The following SLIT2 variants were observed in gnomAD, a reference collection of about 807,000 sequenced individuals.
SLIT2 encodes slit guidance ligand 2, also known as slit homolog 2 protein.
In SLIT2, 41 loss-of-function variants were observed where a neutral mutation model predicts 185.7. That is an observed-to-expected ratio of 0.22 (90% CI 0.17 to 0.29). SLIT2 has a LOEUF of 0.29. SLIT2 is among the 10% of genes least tolerant of loss of function. The probability of loss-of-function intolerance (pLI) is 1.00; values close to 1 mark genes in which losing one functional copy is unlikely to be tolerated. For missense variants in SLIT2, 1,571 were observed against 1,909.0 expected, an observed-to-expected ratio of 0.82 and a Z score of 3.30; for synonymous variants, 693 against 680.2, an observed-to-expected ratio of 1.02 and a Z score of -0.29.
intron 4 of SLIT2, among the ~76,000 whole-genome samples, chr4:20,369,210 G>T (rs1339353509): frequency 1.3e-5 from 2 of 152,044 alleles, no homozygotes; most frequent in East Asian, 3.9e-4. Context: ...TCTGGTTTGT[G>T]TGCTGTCTCT....
intron 9 of SLIT2, among the ~76,000 whole-genome samples, chr4:20,501,106 A>G (rs1209055202): frequency 1.3e-5 from 2 of 152,198 alleles, no homozygotes; most frequent in South Asian, 2.1e-4. Flanking sequence ...ATCATTCATT[A>G]TTATTTTTAT....
intron 4 of SLIT2, among the ~76,000 whole-genome samples, chr4:20,269,877 GA>G (rs909815813): frequency 1.3e-5 from 2 of 151,714 alleles, no homozygotes; most frequent in African/African-American, 4.8e-5. Context: ...GAATAGCCAG[GA>G]TCTTTGTTAC....
chr4:20,470,365 A>T (rs1232911816), intron 5 of SLIT2, among the ~76,000 whole-genome samples: 1 of 152,174 alleles, frequency 6.6e-6, no homozygotes, highest in Non-Finnish European at 1.5e-5. Context: ...AATATGCACA[A>T]GACCTTGATT....
chr4:20,327,219 A>G (rs1719668984), intron 4 of SLIT2, among the ~76,000 whole-genome samples: 2 of 151,966 alleles, frequency 1.3e-5, no homozygotes, highest in Admixed American at 6.6e-5. Context: ...ATTTGCCAGA[A>G]TATTTTGTTG....
chr4:20,511,190 C>A, intron 11 of SLIT2, 53 bp downstream of exon 11: 1 of 1,060,122 alleles, frequency 9.4e-7, no homozygotes, highest in Non-Finnish European at 1.4e-6. Flanking sequence ...CAAAGAGTGG[C>A]TACCTTTTTT....
intron 11 of SLIT2, among the ~76,000 whole-genome samples, chr4:20,513,383 C>T (rs1176655575): frequency 6.6e-6 from 1 of 152,194 alleles, no homozygotes; most frequent in East Asian, 1.9e-4. Flanking sequence ...TAACACGTAT[C>T]ATTTTCCTGG....
In SLIT2 at chr4:20,530,504, A is replaced by T. The variant is rs150501308; in HGVS notation, c.1613+1405A>T. Among the ~76,000 whole-genome samples the T allele has an allele frequency of 2.0e-5, 3 of 152,052 alleles. No homozygotes were observed. The East Asian group carries it at 5.8e-4, about 30-fold the overall frequency. ...TGCCCTGTTGTCCAGGCTGGTCTTG[A>T]ACTCCTGAGCTCAAGCAATCCTCCT... On this transcript the variant is annotated intron_variant, in intron 16 of 36. Coordinates refer to ENST00000504154, the MANE Select transcript of SLIT2 (RefSeq NM_004787.4).
chr4:20,332,605 C>A (rs941985926), intron 4 of SLIT2, among the ~76,000 whole-genome samples: 6 of 151,892 alleles, frequency 4.0e-5, no homozygotes, highest in African/African-American at 7.3e-5. Flanking sequence ...TTGCTTGAAA[C>A]CTGAGTTGCA....
At chr4:20,617,397 C>T (rs762593439) in intron 35 of SLIT2, 42 bp from the exon 36 acceptor site, 1 of 1,564,222 alleles carries the variant, frequency 6.4e-7, no homozygotes, top group Non-Finnish European at 8.8e-7. Flanking sequence ...CTTACCTCCT[C>T]TTCTGAATGC....
At chr4:20,286,119 C>G (rs559148791) in intron 4 of SLIT2, among the ~76,000 whole-genome samples, 1 of 152,342 alleles carries the variant, frequency 6.6e-6, no homozygotes, top group East Asian at 1.9e-4. Flanking sequence ...GTGCAGTGTT[C>G]TTTACCATGT....
chr4:20,291,084 G>A (rs565309993), intron 4 of SLIT2, among the ~76,000 whole-genome samples: 1 of 151,854 alleles, frequency 6.6e-6, no homozygotes, highest in Admixed American at 6.6e-5. Flanking sequence ...GAACTTAAAA[G>A]TAGAGACTGA....
chr4:20,585,953 C>T (rs1471836923), intron 29 of SLIT2, among the ~76,000 whole-genome samples: 2 of 152,184 alleles, frequency 1.3e-5, no homozygotes, highest in Non-Finnish European at 2.9e-5. Flanking sequence ...ACTAAAAATA[C>T]ATTAGCTGAC....
chr4:20,470,470 T>C (rs143004100), intron 5 of SLIT2, among the ~76,000 whole-genome samples: 339 of 144,138 alleles, frequency 2.4e-3, no homozygotes, highest in African/African-American at 8.4e-3. Flanking sequence ...AGTAAAACCA[T>C]AGTGCAGTGG....
chr4:20,508,041 T>G lies in SLIT2; in HGVS notation c.915-2454T>G, dbSNP rs1719363470. Among the ~76,000 whole-genome samples, 5 of 152,118 alleles carry G rather than the reference T, an allele frequency of 3.3e-5. 1 individual carries two copies. The South Asian group carries it at 1.0e-3, about 32-fold the overall frequency. On this transcript the variant is annotated intron_variant, in intron 9 of 36. Coordinates refer to ENST00000504154, the MANE Select transcript of SLIT2 (RefSeq NM_004787.4). Reference sequence around the variant, plus strand: ...TCTAATCAATAAAGTAACAGGCAAATGATTTACATGTCCTTCACTCTATTT... The same window carrying G: ...TCTAATCAATAAAGTAACAGGCAAAGGATTTACATGTCCTTCACTCTATTT...
chr4:20,412,613 TA>T (rs1727345595), intron 4 of SLIT2, among the ~76,000 whole-genome samples: 1 of 152,126 alleles, frequency 6.6e-6, no homozygotes, highest in South Asian at 2.1e-4. Flanking sequence ...TGAGGCCTGA[TA>T]AGTTACCTTA....
rs1266053858 is a variant in SLIT2 at position 20,463,492 on chromosome 4, T to G, written c.396-4260T>G. Reference sequence around the variant, plus strand: ...ATATATATATATATATATATATATATGTGTGTGTGCGTATATCCATATATG... The same window carrying G: ...ATATATATATATATATATATATATAGGTGTGTGTGCGTATATCCATATATG... On this transcript the variant is annotated intron_variant, in intron 4 of 36. Transcript: ENST00000504154. 3.7e-4 allele frequency among the ~76,000 whole-genome samples: 38 copies of G among 102,546 alleles called. No homozygotes were observed. The East Asian group carries it at 9.6e-3, about 26-fold the overall frequency. The allele number at this position is 102,546 out of a possible 152,430, so 67.3% of individuals were successfully genotyped here. A position where few individuals can be genotyped will look rare whatever the true frequency, so the allele number is the denominator to read the frequency against.
At chr4:20,462,932 A>G (rs1044272371) in intron 4 of SLIT2, among the ~76,000 whole-genome samples, 1 of 152,184 alleles carries the variant, frequency 6.6e-6, no homozygotes, top group African/African-American at 2.4e-5. Context: ...AAGTAGAATA[A>G]TTATAACATG....
chr4:20,617,480 A>G lies in SLIT2; in HGVS notation c.4178A>G (p.Tyr1393Cys), dbSNP rs758901067. Residue 1393 changes from tyrosine to cysteine, a missense_variant, in exon 36 of 37, where the codon TAC (tyrosine) becomes TGC (cysteine). Transcript: ENST00000504154. ...TGCTTGCCCATCAATGCGTTCTCCTACAGCTGTAAGTGCTTGGAGGGCCAT... is the reference window on the plus strand; with the variant it reads ...TGCTTGCCCATCAATGCGTTCTCCTGCAGCTGTAAGTGCTTGGAGGGCCAT... ...GTCLPINAFS[Y>C]SCKCLEGHGG... is the part of the protein sequence containing the mutation. 1 of 1,614,074 alleles carries G rather than the reference A, an allele frequency of 6.2e-7. No homozygotes were observed. Among genetic ancestry groups the G allele is most frequent in the Non-Finnish European group, 8.5e-7 (1 of 1,180,012 alleles).
At chr4:20,400,707 T>G (rs571756157) in intron 4 of SLIT2, among the ~76,000 whole-genome samples, 27 of 151,852 alleles carry the variant, frequency 1.8e-4, no homozygotes, top group Non-Finnish European at 3.4e-4. Context: ...TAAGAGCACC[T>G]ACTGCCCTAA....
Sources: gnomAD v4.1 joint callset for allele counts (sites outside exome capture counted in the v4.1 genomes callset) on GRCh38, gnomAD v4.1.1 for gene constraint, MANE v1.5 for transcripts, NCBI Gene and HGNC (gene_info 2026-07-23, HGNC 2026-07-21) for gene names.